MYO6: variants seen among roughly 807,000 people sequenced by gnomAD.
MYO6 encodes unconventional myosin-VI.
MYO6 carries 74 observed loss-of-function variants against 178.7 expected under a neutral mutation model. The ratio of observed to expected loss-of-function variants is 0.41; its 90% CI spans 0.34 to 0.50. The LOEUF (loss-of-function observed/expected upper bound fraction) is 0.50. MYO6 is among the 20% of genes least tolerant of loss of function. MYO6 has a pLI of 0.09. For missense variants in MYO6, 1,330 were observed against 1,547.4 expected, an observed-to-expected ratio of 0.86 and a Z score of 2.36; for synonymous variants, 477 against 504.6, an observed-to-expected ratio of 0.95 and a Z score of 0.73.
chr6:75,764,397 T>C (rs980187076), intron 1 of MYO6, among the ~76,000 whole-genome samples: 4 of 152,194 alleles, frequency 2.6e-5, no homozygotes, highest in Admixed American at 6.5e-5. Context: ...AGTGCACTTT[T>C]CTTTAGTCAT....
intron 2 of MYO6, among the ~76,000 whole-genome samples, chr6:75,820,141 C>G (rs1301594779): frequency 6.6e-6 from 1 of 152,150 alleles, no homozygotes; most frequent in Non-Finnish European, 1.5e-5. Flanking sequence ...AGGCTGAAGC[C>G]CTAAATTTAT....
chr6:75,854,685 A>T (rs1042523804), intron 11 of MYO6, among the ~76,000 whole-genome samples: 1 of 152,190 alleles, frequency 6.6e-6, no homozygotes, highest in Non-Finnish European at 1.5e-5. Flanking sequence ...ACGTATATGC[A>T]TAAACACATC....
At chr6:75,787,726 C>A (rs868204349) in intron 1 of MYO6, among the ~76,000 whole-genome samples, 901 of 19,780 alleles carry the variant, frequency 0.046, 10 homozygotes, top group African/African-American at 0.056. Context: ...CTCTCTCTCT[C>A]TCTCTATATA....
chr6:75,769,650 C>G, intron 1 of MYO6, among the ~76,000 whole-genome samples: 1 of 152,198 alleles, frequency 6.6e-6, no homozygotes. Context: ...GCCTGTAATC[C>G]CAGCACTTTG....
At position 75,879,927 on chromosome 6, in the gene MYO6, T is replaced by C. The variant is rs769424123; in HGVS notation, c.2185T>C (p.Leu729=). 5.0e-6 allele frequency: 8 copies of C among 1,614,050 alleles called. No individual in the cohort carries two copies. In the East Asian group the frequency reaches 8.9e-5, roughly 18 times the overall value. ...GTATATGCCAGATAAACTTGCAAGA[T>C]TGGATCCAAGACTATTTTGTAAGGT... ...KKYMPDKLAR[L]DPRLFCKALF... is the part of the protein sequence containing the mutation. The change falls in exon 21 of 35, where the codon TTG becomes CTG. Residue 729 remains leucine, a synonymous_variant. Coordinates refer to ENST00000369977, the MANE Select transcript of MYO6 (RefSeq NM_004999.4).
At chr6:75,756,032 C>T (rs1777317300) in intron 1 of MYO6, among the ~76,000 whole-genome samples, 1 of 152,152 alleles carries the variant, frequency 6.6e-6, no homozygotes, top group Non-Finnish European at 1.5e-5. Context: ...TGTTACCAAC[C>T]TGCTTTGATA....
Position 75,895,273 on chromosome 6 carries a change from C to A in MYO6, c.3137+13C>A. 1 of 1,599,398 alleles carries A rather than the reference C, an allele frequency of 6.3e-7. No homozygotes were observed. The highest frequency in any genetic ancestry group is 2.2e-5 in the East Asian group (1 of 44,640). ...CCAAAATGACACCGTATGTCACTTA[C>A]CTTTACCTTTTTAAAAATAGGTTGT... On this transcript the variant is annotated intron_variant, in intron 29 of 34. Coordinates refer to ENST00000369977, the MANE Select transcript of MYO6 (RefSeq NM_004999.4).
intron 1 of MYO6, among the ~76,000 whole-genome samples, chr6:75,779,231 G>C (rs975804361): frequency 3.3e-5 from 5 of 152,076 alleles, no homozygotes; most frequent in Non-Finnish European, 7.4e-5. Flanking sequence ...GCCGGGTGCA[G>C]TGTCTCACAC....
intron 2 of MYO6, among the ~76,000 whole-genome samples, chr6:75,821,131 T>G (rs1264692289): frequency 6.6e-6 from 1 of 152,202 alleles, no homozygotes; most frequent in East Asian, 1.9e-4. Flanking sequence ...CTTTCAGGAC[T>G]CCTTACTGGC....
intron 30 of MYO6, among the ~76,000 whole-genome samples, chr6:75,906,395 G>A (rs1293781650): frequency 1.3e-5 from 2 of 152,138 alleles, no homozygotes; most frequent in African/African-American, 4.8e-5. Context: ...AGTCTTAAAG[G>A]CCAGGTGTGG....
At position 75,818,967 on chromosome 6, in the gene MYO6, A is replaced by G. The variant is rs73751025; in HGVS notation, c.117+1303A>G. Reference sequence around the variant, plus strand: ...AAATCAGAAGACCAAAATGAAATTGAGAGTGTATTTCCTAGGTGTTTATAT... The same window carrying G: ...AAATCAGAAGACCAAAATGAAATTGGGAGTGTATTTCCTAGGTGTTTATAT... On this transcript the variant is annotated intron_variant, in intron 2 of 34. Coordinates refer to ENST00000369977, the MANE Select transcript of MYO6 (RefSeq NM_004999.4). 5.8e-3 allele frequency among the ~76,000 whole-genome samples: 878 copies of G among 152,304 alleles called. 12 individuals carry two copies. The highest frequency in any genetic ancestry group is 0.02 in the African/African-American group (840 of 41,574).
intron 9 of MYO6, among the ~76,000 whole-genome samples, chr6:75,842,660 A>G (rs749245481): frequency 5.9e-5 from 9 of 152,206 alleles, no homozygotes; most frequent in Non-Finnish European, 1.2e-4. Flanking sequence ...AGTTGCCCAC[A>G]TTTCCATGAA....
At position 75,825,842 on chromosome 6, in the gene MYO6, A is replaced by T. The variant is rs1170302566; in HGVS notation, c.188-2698A>T. On this transcript the variant is annotated intron_variant, in intron 3 of 34. Transcript: ENST00000369977. ...GAAGTCATACCTAATCTTCATTAGA[A>T]ACTTTTGTATATGTTATATATTTAT... Among the ~76,000 whole-genome samples, 4 of 152,252 alleles carry T rather than the reference A, an allele frequency of 2.6e-5. No homozygotes were observed. The East Asian group carries it at 7.7e-4, about 29-fold the overall frequency.
At chr6:75,914,534 A>C (rs1181694867) in intron 34 of MYO6, among the ~76,000 whole-genome samples, 1 of 152,164 alleles carries the variant, frequency 6.6e-6, no homozygotes, top group South Asian at 2.1e-4. Context: ...GTGTTTCATC[A>C]TATCCATTGA....
intron 1 of MYO6, among the ~76,000 whole-genome samples, chr6:75,804,872 A>G (rs1769849585): frequency 1.5e-5 from 2 of 132,722 alleles, no homozygotes; most frequent in Admixed American, 1.4e-4. Flanking sequence ...ATATGCGCAT[A>G]TATATATACA....
At chr6:75,793,473 G>A (rs572814288) in intron 1 of MYO6, among the ~76,000 whole-genome samples, 49 of 151,956 alleles carry the variant, frequency 3.2e-4, no homozygotes, top group African/African-American at 1.0e-3. Flanking sequence ...ACATGGTGGC[G>A]GGCGCCTGTA....
chr6:75,805,971 A>G (rs1770035175), intron 1 of MYO6, among the ~76,000 whole-genome samples: 1 of 152,148 alleles, frequency 6.6e-6, no homozygotes, highest in Non-Finnish European at 1.5e-5. Context: ...ATGAATATTG[A>G]CCACATGGAT....
chr6:75,895,971 G>A (rs1271349482), intron 29 of MYO6, among the ~76,000 whole-genome samples: 1 of 152,024 alleles, frequency 6.6e-6, no homozygotes, highest in African/African-American at 2.4e-5. Context: ...TGTATATGTA[G>A]TGCTAACTTT....
At chr6:75,881,218 C>CA (rs1268696657) in intron 22 of MYO6, among the ~76,000 whole-genome samples, 1 of 151,832 alleles carries the variant, frequency 6.6e-6, no homozygotes, top group African/African-American at 2.4e-5. Flanking sequence ...TGCGCCACTG[C>CA]AAAAAAGGTT....
Sources: allele counts gnomAD v4.1 joint callset (sites outside exome capture counted in the v4.1 genomes callset), GRCh38; gene constraint gnomAD v4.1.1; transcripts MANE v1.5; gene names NCBI Gene and HGNC (gene_info 2026-07-23, HGNC 2026-07-21).